Variants in PRUNE2 observed in about 807,000 individuals in gnomAD.
PRUNE2 encodes the protein prune homolog 2 with BCH domain.
PRUNE2 carries 164 observed loss-of-function variants against 252.0 expected under a neutral mutation model. The ratio of observed to expected loss-of-function variants is 0.65; its 90% CI spans 0.57 to 0.74. The LOEUF (loss-of-function observed/expected upper bound fraction) is 0.74. Among genes scored for constraint, PRUNE2 ranks in the 30% least tolerant of loss-of-function variants. PRUNE2 has a pLI of 0.00. For synonymous variants in PRUNE2, 1,292 were observed against 1,350.2 expected (o/e 0.96, Z 0.94); for missense variants, 3,495 against 3,711.0 (o/e 0.94, Z 1.51).
At chr9:76,780,621 G>A (rs2054278878) in intron 6 of PRUNE2, among the ~76,000 whole-genome samples, 1 of 152,180 alleles carries the variant, frequency 6.6e-6, no homozygotes, top group Non-Finnish European at 1.5e-5. Context: ...AACCCAGGAG[G>A]CAGAGCTTGC....
intron 9 of PRUNE2, among the ~76,000 whole-genome samples, chr9:76,696,551 G>A (rs988678914): frequency 5.3e-5 from 8 of 152,030 alleles, no homozygotes; most frequent in Admixed American, 1.3e-4. Flanking sequence ...TCAGTCTCCC[G>A]AGTAGCTGGG....
At chr9:76,794,326 G>C (rs1053404461) in intron 6 of PRUNE2, among the ~76,000 whole-genome samples, 2 of 152,172 alleles carry the variant, frequency 1.3e-5, no homozygotes, top group East Asian at 1.9e-4. Context: ...GGCAAAGAGC[G>C]CGGCCTCCGA....
Position 76,850,542 on chromosome 9 carries a change from G to A in PRUNE2, c.265C>T (p.Arg89Trp), listed in dbSNP as rs1221813431. 23 of 1,613,142 alleles carry A rather than the reference G, an allele frequency of 1.4e-5. No individual in the cohort carries two copies. The highest frequency in any genetic ancestry group is 1.6e-4 in the Middle Eastern group (1 of 6,084). The change falls in exon 3 of 19, where the codon CGG becomes TGG. Residue 89 changes from arginine to tryptophan, a missense_variant. Transcript: ENST00000376718. ...AGCTGATGCAGGTTAATTTCATCCC[G>A]GAATATGTGGAATGATTCGGAAATA... Reference protein sequence around the residue: ...LNISESFHIFRDEINLHQLND... With the variant: ...LNISESFHIFWDEINLHQLND...
chr9:76,827,419 C>G (rs1006786540), intron 4 of PRUNE2, among the ~76,000 whole-genome samples: 4 of 152,160 alleles, frequency 2.6e-5, no homozygotes, highest in Non-Finnish European at 5.9e-5. Context: ...TGGATAATCT[C>G]ATCTTGAAAG....
chr9:76,629,258 T>C lies in PRUNE2; in HGVS notation c.9083A>G (p.Asn3028Ser), dbSNP rs180939665. 9.5e-5 allele frequency: 151 copies of C among 1,593,496 alleles called. No homozygotes were observed. In the African/African-American group the frequency reaches 1.5e-3, roughly 16 times the overall value. ...SKFSSKIKYV[N>S]SLSELSGLIP... is the part of the protein sequence containing the mutation. ...CAGCCCACTGAGTTCTGATAAGCTA[T>C]TGACATATTTAATTTTACTGCTGAA... The change falls in exon 16 of 19, where the codon AAT (asparagine) becomes AGT (serine). Residue 3028 changes from asparagine to serine, a missense_variant. By Grantham distance (46) the Asn-to-Ser change is conservative. Coordinates refer to ENST00000376718, the MANE Select transcript of PRUNE2 (RefSeq NM_015225.3).
At chr9:76,614,898 TTAAGA>T (rs140651253) in intron 18 of PRUNE2, among the ~76,000 whole-genome samples, 11,871 of 152,202 alleles carry the variant, frequency 0.078, 535 homozygotes, top group South Asian at 0.2. Flanking sequence ...CCAAAGTCAA[TTAAGA>T]TAAGGAGCAT....
chr9:76,904,800 AC>A (rs2063385640), intron 1 of PRUNE2, among the ~76,000 whole-genome samples: 2 of 152,184 alleles, frequency 1.3e-5, no homozygotes, highest in Non-Finnish European at 1.5e-5. Context: ...TTACAGTTAG[AC>A]CATTGTAAGG....
chr9:76,804,767 G>A (rs1383650781), intron 6 of PRUNE2, among the ~76,000 whole-genome samples: 1 of 152,088 alleles, frequency 6.6e-6, no homozygotes, highest in Non-Finnish European at 1.5e-5. Flanking sequence ...GCATGAACTT[G>A]GCCATTCCTT....
intron 15 of PRUNE2, among the ~76,000 whole-genome samples, chr9:76,630,643 G>A (rs888336724): frequency 6.6e-6 from 1 of 152,198 alleles, no homozygotes; most frequent in African/African-American, 2.4e-5. Context: ...TCCTGCCTCA[G>A]CCTCCCGAGT....
chr9:76,845,428 C>T (rs540001658), intron 4 of PRUNE2, among the ~76,000 whole-genome samples: 1 of 152,342 alleles, frequency 6.6e-6, no homozygotes, highest in South Asian at 2.1e-4. Flanking sequence ...CATTTTCCTT[C>T]TGCTCTGTCA....
chr9:76,718,000 T>A (rs1381994450), intron 6 of PRUNE2, among the ~76,000 whole-genome samples: 1 of 152,118 alleles, frequency 6.6e-6, no homozygotes. Context: ...AAAGCTAAGG[T>A]GTAGGTCCCA....
chr9:76,793,312 G>A lies in PRUNE2; in HGVS notation c.756+30320C>T, dbSNP rs367714809. ...ATAATAATGAACAATAAACATGATC[G>A]TTATTAACCCAAGAGGAGGTTTACA... On this transcript the variant is annotated intron_variant, in intron 6 of 18. Transcript: ENST00000376718. Among the ~76,000 whole-genome samples the A allele has an allele frequency of 3.2e-4, 48 of 152,312 alleles. 1 individual carries two copies. The highest frequency in any genetic ancestry group is 3.4e-3 in the Middle Eastern group (1 of 294).
chr9:76,663,563 A>G (rs1284420846), intron 9 of PRUNE2, among the ~76,000 whole-genome samples: 2 of 152,218 alleles, frequency 1.3e-5, no homozygotes, highest in Admixed American at 6.5e-5. Context: ...ATGATCCTCA[A>G]ACATTTTCTT....
intron 4 of PRUNE2, 117 bp from the exon 5 acceptor site, chr9:76,826,849 G>A: frequency 1.3e-6 from 1 of 793,706 alleles, no homozygotes; most frequent in Non-Finnish European, 2.0e-6. Flanking sequence ...TCTCTCACCT[G>A]GACCAGAGTC....
chr9:76,713,869 G>T, intron 6 of PRUNE2, 148 bp from the exon 7 acceptor site: 2 of 519,366 alleles, frequency 3.9e-6, no homozygotes, highest in Non-Finnish European at 3.3e-6. Flanking sequence ...GAGAAGGAGT[G>T]GAAACTTTCA....
chr9:76,710,372 C>T lies in PRUNE2; in HGVS notation c.1902G>A (p.Met634Ile), dbSNP rs774903860. 6.2e-7 allele frequency: 1 copy of T among 1,613,978 alleles called. No individual in the cohort carries two copies. Among genetic ancestry groups the T allele is most frequent in the South Asian group, 1.1e-5 (1 of 91,074 alleles). ...EEPASLYTED[M>I]TQKATDTGHM... is the part of the protein sequence containing the mutation. ...GACCTGTGTCAGTTGCTTTTTGGGT[C>T]ATATCTTCTGTATAGAGTGAGGCTG... Residue 634 changes from methionine (M) to isoleucine (I), a missense_variant, in exon 8 of 19, where the codon ATG (methionine) becomes ATA (isoleucine). Transcript: ENST00000376718.
At chr9:76,682,092 C>T (rs540525489) in intron 9 of PRUNE2, among the ~76,000 whole-genome samples, 3 of 152,026 alleles carry the variant, frequency 2.0e-5, no homozygotes, top group South Asian at 2.1e-4. Context: ...ACAGTGAAGG[C>T]GATAAAAATG....
Position 76,644,838 on chromosome 9 carries a change from C to A in PRUNE2, c.8629G>T (p.Glu2877Ter), listed in dbSNP as rs1209943547. The A allele has an allele frequency of 6.2e-7, 1 of 1,613,960 alleles. No individual in the cohort carries two copies. Among genetic ancestry groups the A allele is most frequent in the Non-Finnish European group, 8.5e-7 (1 of 1,179,856 alleles). Reference protein sequence around the residue: ...IPEYTAEEEREDNRLWRTVVI... With the variant: ...IPEYTAEEER Reference sequence around the variant, plus strand: ...ACTGTCCTCCAAAGCCGGTTGTCCTCCCGTTCCTCTTCGGCCGTATATTCT... The same window carrying A: ...ACTGTCCTCCAAAGCCGGTTGTCCTACCGTTCCTCTTCGGCCGTATATTCT... Residue 2877 changes from glutamate (E) to a stop codon, truncating the protein, a stop_gained, in exon 12 of 19, where the codon GAG becomes TAG. Coordinates refer to ENST00000376718, the MANE Select transcript of PRUNE2 (RefSeq NM_015225.3). LOFTEE classifies it high-confidence loss of function.
intron 6 of PRUNE2, among the ~76,000 whole-genome samples, chr9:76,772,783 C>G (rs2053262417): frequency 6.6e-6 from 1 of 152,100 alleles, no homozygotes; most frequent in Non-Finnish European, 1.5e-5. Flanking sequence ...AGGCTGGTCT[C>G]AAACTCCTGG....
Sources: gnomAD v4.1 joint callset for allele counts (sites outside exome capture counted in the v4.1 genomes callset) on GRCh38, gnomAD v4.1.1 for gene constraint, MANE v1.5 for transcripts, NCBI Gene and HGNC (gene_info 2026-07-23, HGNC 2026-07-21) for gene names.